FOXP1: variants seen among roughly 807,000 people sequenced by gnomAD.
FOXP1 encodes forkhead box P1, also known as forkhead box protein P1.
A neutral mutation model predicts 98.2 loss-of-function variants in FOXP1; 15 were observed. That is an observed-to-expected ratio of 0.15 (90% CI 0.10 to 0.24). FOXP1 has a LOEUF of 0.24. FOXP1 is among the 10% of genes least tolerant of loss of function. The probability of loss-of-function intolerance (pLI) is 1.00; values close to 1 mark genes in which losing one functional copy is unlikely to be tolerated. For missense variants in FOXP1, 633 were observed against 848.5 expected, an observed-to-expected ratio of 0.75 and a Z score of 3.15; for synonymous variants, 371 against 314.5, an observed-to-expected ratio of 1.18 and a Z score of -1.90.
intron 7 of FOXP1, among the ~76,000 whole-genome samples, chr3:71,073,741 G>A (rs749725565): frequency 4.6e-5 from 7 of 152,102 alleles, no homozygotes; most frequent in Non-Finnish European, 7.4e-5. Context: ...CCAATGTATC[G>A]CAAGCACACA....
intron 7 of FOXP1, among the ~76,000 whole-genome samples, chr3:71,077,902 G>A (rs62257247): frequency 3.3e-5 from 5 of 150,878 alleles, no homozygotes; most frequent in African/African-American, 7.3e-5. Flanking sequence ...GCGTGATCTC[G>A]GCTCACCGCA....
chr3:71,091,804 G>A (rs930728259), intron 7 of FOXP1, among the ~76,000 whole-genome samples: 3 of 152,122 alleles, frequency 2.0e-5, no homozygotes, highest in African/African-American at 7.2e-5. Context: ...TTCACAGCTG[G>A]GAGAGAGGTA....
At chr3:71,141,166 G>T (rs1253444817) in intron 6 of FOXP1, among the ~76,000 whole-genome samples, 1 of 151,298 alleles carries the variant, frequency 6.6e-6, no homozygotes, top group East Asian at 2.0e-4. Context: ...TACTAGGGAG[G>T]CTGAGGCAGG....
intron 3 of FOXP1, among the ~76,000 whole-genome samples, chr3:71,431,296 TAGAC>T (rs1394133545): frequency 6.6e-6 from 1 of 152,146 alleles, no homozygotes; most frequent in Non-Finnish European, 1.5e-5. Flanking sequence ...TTATTCTCCA[TAGAC>T]AGAGTGCGAG....
chr3:71,189,051 T>C (rs2062816318), intron 6 of FOXP1, among the ~76,000 whole-genome samples: 1 of 152,210 alleles, frequency 6.6e-6, no homozygotes, highest in African/African-American at 2.4e-5. Flanking sequence ...TCTCTGGGCA[T>C]GGCTAAATTT....
At chr3:71,006,395 C>G (rs1014801738) in intron 12 of FOXP1, among the ~76,000 whole-genome samples, 3 of 151,968 alleles carry the variant, frequency 2.0e-5, no homozygotes, top group African/African-American at 7.2e-5. Flanking sequence ...TTTCATTAAC[C>G]CAGGTACCGC....
At chr3:71,331,186 G>GGGTGCTTGTGGGCCAGCGCA (rs2076274086) in intron 4 of FOXP1, among the ~76,000 whole-genome samples, 1 of 152,066 alleles carries the variant, frequency 6.6e-6, no homozygotes, top group Non-Finnish European at 1.5e-5. Context: ...GGGCCAGCGC[G>GGGTGCTTGTGGGCCAGCGCA]AGTTCTGGGG....
intron 5 of FOXP1, among the ~76,000 whole-genome samples, chr3:71,204,059 T>C (rs1051376051): frequency 6.6e-5 from 10 of 152,196 alleles, no homozygotes; most frequent in Admixed American, 6.5e-4. Context: ...TCTTACTTTA[T>C]TGTCAGTTAA....
chr3:71,192,507 G>A (rs2063048004), intron 6 of FOXP1, among the ~76,000 whole-genome samples: 2 of 152,154 alleles, frequency 1.3e-5, no homozygotes, highest in African/African-American at 4.8e-5. Context: ...TTCTCACAGA[G>A]GCAGTTAAAA....
At chr3:71,148,303 G>A (rs1405522368) in intron 6 of FOXP1, among the ~76,000 whole-genome samples, 1 of 152,144 alleles carries the variant, frequency 6.6e-6, no homozygotes, top group African/African-American at 2.4e-5. Context: ...CTTGAACCCG[G>A]GAGGCGGAGG....
At chr3:71,553,248 C>T (rs2045900928) in intron 2 of FOXP1, among the ~76,000 whole-genome samples, 1 of 152,184 alleles carries the variant, frequency 6.6e-6, no homozygotes, top group African/African-American at 2.4e-5. Context: ...ATCATTTAAA[C>T]TCTATTCTGA....
intron 2 of FOXP1, among the ~76,000 whole-genome samples, chr3:71,548,774 AAG>A (rs1482346754): frequency 6.7e-6 from 1 of 149,576 alleles, no homozygotes; most frequent in Non-Finnish European, 1.5e-5. Context: ...ACCCCCCCAA[AAG>A]AAATGAGATG....
At chr3:71,181,196 C>T (rs72951397) in intron 6 of FOXP1, among the ~76,000 whole-genome samples, 3,251 of 152,180 alleles carry the variant, frequency 0.021, 140 homozygotes, top group African/African-American at 0.074. Flanking sequence ...TAATATAAAG[C>T]GGATGAGGTG....
intron 3 of FOXP1, among the ~76,000 whole-genome samples, chr3:71,382,519 T>A (rs1486015574): frequency 6.6e-6 from 1 of 152,092 alleles, no homozygotes; most frequent in African/African-American, 2.4e-5. Flanking sequence ...CAGAAACAAG[T>A]CCAACTAGAG....
chr3:71,483,774 C>T (rs2090458215), intron 3 of FOXP1, among the ~76,000 whole-genome samples: 1 of 152,056 alleles, frequency 6.6e-6, no homozygotes, highest in Non-Finnish European at 1.5e-5. Context: ...AGAAATTAGA[C>T]TGAGCCTCCC....
intron 5 of FOXP1, among the ~76,000 whole-genome samples, chr3:71,232,902 A>G (rs2066435098): frequency 6.7e-6 from 1 of 149,248 alleles, no homozygotes; most frequent in Admixed American, 6.7e-5. Context: ...AAAAAGCAAG[A>G]AAAATGGGGA....
At chr3:71,489,105 A>G (rs1049668333) in intron 3 of FOXP1, among the ~76,000 whole-genome samples, 4 of 151,836 alleles carry the variant, frequency 2.6e-5, no homozygotes, top group Non-Finnish European at 5.9e-5. Context: ...CTGCGCCACC[A>G]CCGCCCCACC....
chr3:71,255,173 G>A (rs1311127626), intron 5 of FOXP1, among the ~76,000 whole-genome samples: 1 of 152,148 alleles, frequency 6.6e-6, no homozygotes, highest in East Asian at 1.9e-4. Context: ...TCAAGACAGA[G>A]GCAGCAATCA....
intron 9 of FOXP1, 70 bp downstream of exon 9, chr3:71,052,467 G>A (rs2050037321): frequency 2.4e-6 from 2 of 849,382 alleles, no homozygotes; most frequent in Non-Finnish European, 4.2e-6. Context: ...AAAGATGAAT[G>A]ACAGTTTAAT....
Sources: gnomAD v4.1 joint callset for allele counts (sites outside exome capture counted in the v4.1 genomes callset) on GRCh38, gnomAD v4.1.1 for gene constraint, MANE v1.5 for transcripts, NCBI Gene and HGNC (gene_info 2026-07-23, HGNC 2026-07-21) for gene names.